The following TATDN3 variants were observed in gnomAD, a reference collection of about 807,000 sequenced individuals.
TATDN3 encodes the protein deoxyribonuclease TATDN3.
In TATDN3, 29 loss-of-function variants were observed where a neutral mutation model predicts 40.1. That is an observed-to-expected ratio of 0.72 (90% CI 0.54 to 0.99). The LOEUF (loss-of-function observed/expected upper bound fraction) is 0.99. Ranked by LOEUF, TATDN3 falls within the 50% of genes least tolerant of loss-of-function variation. The pLI is 0.00. For synonymous variants in TATDN3, 105 were observed against 117.0 expected (o/e 0.90, Z 0.66); for missense variants, 309 against 321.9 (o/e 0.96, Z 0.31).
rs1661613334 is a variant in TATDN3 at position 212,794,664 on chromosome 1, C to T, written c.67-431C>T. The T allele has an allele frequency of 9.1e-6, 4 of 440,968 alleles. 1 individual carries two copies. The highest frequency in any genetic ancestry group is 6.4e-5 in the South Asian group (4 of 62,586). The allele number at this position is 440,968 out of a possible 1,614,324, so 27.3% of individuals were successfully genotyped here. A position where few individuals can be genotyped will look rare whatever the true frequency, so the allele number is the denominator to read the frequency against. ...TGAGAGGAAGTGAAATCACTCAAGG[C>T]AAGTGCAGAGAGAGGAGCAGATGTT... On this transcript the variant is annotated intron_variant, in intron 1 of 9. Transcript: ENST00000366974.
At chr1:212,808,266 C>G (rs1278828432) in intron 8 of TATDN3, among the ~76,000 whole-genome samples, 1 of 144,860 alleles carries the variant, frequency 6.9e-6, no homozygotes, top group African/African-American at 2.5e-5. Flanking sequence ...GAGCCAAGAT[C>G]AAGCCATTGC....
intron 8 of TATDN3, among the ~76,000 whole-genome samples, chr1:212,811,024 C>T (rs1662839445): frequency 6.6e-6 from 1 of 152,066 alleles, no homozygotes; most frequent in Admixed American, 6.6e-5. Context: ...ACTCTGTCGC[C>T]CAGGCTGGGG....
intron 9 of TATDN3, among the ~76,000 whole-genome samples, chr1:212,812,971 C>CA (rs1471008470): frequency 1.3e-5 from 2 of 151,826 alleles, no homozygotes; most frequent in Non-Finnish European, 2.9e-5. Context: ...TGCACCATTG[C>CA]ACCCCAGCCT....
intron 2 of TATDN3, among the ~76,000 whole-genome samples, chr1:212,795,769 C>G (rs910063944): frequency 1.3e-5 from 2 of 151,884 alleles, no homozygotes; most frequent in Non-Finnish European, 2.9e-5. Context: ...AGGCCTTTCT[C>G]GACTTTACCT....
chr1:212,802,928 G>A (rs1215769016), intron 5 of TATDN3, among the ~76,000 whole-genome samples, 165 bp downstream of exon 5: 1 of 152,120 alleles, frequency 6.6e-6, no homozygotes, highest in Non-Finnish European at 1.5e-5. Flanking sequence ...AAGCAAGAAA[G>A]CTTGGGGATG....
At chr1:212,809,439 C>G (rs1231509616) in intron 8 of TATDN3, among the ~76,000 whole-genome samples, 1 of 152,158 alleles carries the variant, frequency 6.6e-6, no homozygotes, top group African/African-American at 2.4e-5. Context: ...AATCCCAGCA[C>G]TTTGGGAGGC....
At chr1:212,796,883 G>A (rs1661803570) in intron 3 of TATDN3, 5 of 491,602 alleles carry the variant, frequency 1.0e-5, no homozygotes, top group Admixed American at 3.6e-5. Flanking sequence ...TCTAAAGCAT[G>A]CACCACCAGG....
chr1:212,802,003 T>C (rs1337052294), intron 4 of TATDN3, among the ~76,000 whole-genome samples: 1 of 152,212 alleles, frequency 6.6e-6, no homozygotes, highest in Non-Finnish European at 1.5e-5. Context: ...TTATATATCC[T>C]GAAACTAAAA....
In TATDN3 at chr1:212,812,277, A is replaced by C; in HGVS notation, c.630A>C (p.Leu210Phe). ...QKQKLVKQLPLTSICLETDSP... is the reference protein window; with the variant it reads ...QKQKLVKQLPFTSICLETDSP... ...AGAAACTTGTGAAACAATTGCCTTT[A>C]ACTTCTATATGCTTAGAAACAGATT... is the stretch of plus-strand genomic sequence containing the variant. The change falls in exon 9 of 10, where the codon TTA becomes TTC. Residue 210 changes from leucine (L) to phenylalanine (F), a missense_variant. Coordinates refer to ENST00000366974, the MANE Select transcript of TATDN3 (RefSeq NM_001042552.3). The C allele has an allele frequency of 6.3e-7, 1 of 1,584,214 alleles. No individual in the cohort carries two copies. The highest frequency in any genetic ancestry group is 8.5e-7 in the Non-Finnish European group (1 of 1,171,594).
Position 212,815,020 on chromosome 1 carries a change from A to T in TATDN3, c.689A>T (p.Asn230Ile). The change falls in exon 10 of 10, where the codon AAT becomes ATT. Residue 230 changes from asparagine (N) to isoleucine (I), a missense_variant. By Grantham distance (149) the Asn-to-Ile change is moderately radical (BLOSUM62 -3). Transcript: ENST00000366974. ...PALGPEKQVR[N>I]EPWNISISAE... is the part of the protein sequence containing the mutation. ...TCTGCTGTCTTGTTTCAGGTACGGA[A>T]TGAGCCCTGGAACATTTCTATTTCA... The T allele has an allele frequency of 6.2e-7, 1 of 1,612,830 alleles. No homozygotes were observed. Among genetic ancestry groups the T allele is most frequent in the Non-Finnish European group, 8.5e-7 (1 of 1,179,618 alleles).
Position 212,810,846 on chromosome 1 carries a change from C to CTGGG in TATDN3, c.601-1400_601-1397dup, listed in dbSNP as rs1184502147. Among the ~76,000 whole-genome samples the CTGGG allele has an allele frequency of 3.3e-5, 5 of 152,238 alleles. 1 individual carries two copies. The East Asian group carries it at 9.6e-4, about 29-fold the overall frequency. The stretch of plus-strand genomic sequence containing the variant: ...TACCAGATGTTTGGATTTCTGCTTG[C>CTGGG]TGGGTATACCTCATTTTTGCTATGG... On this transcript the variant is annotated intron_variant, in intron 8 of 9. Coordinates refer to ENST00000366974, the MANE Select transcript of TATDN3 (RefSeq NM_001042552.3).
chr1:212,814,534 TTAAAA>T (rs1663082393), intron 9 of TATDN3, among the ~76,000 whole-genome samples: 1 of 152,162 alleles, frequency 6.6e-6, no homozygotes, highest in Admixed American at 6.6e-5. Flanking sequence ...TTCAGAGATG[TTAAAA>T]TAGGAGAGGA....
chr1:212,793,904 T>C (rs544713492), intron 1 of TATDN3, among the ~76,000 whole-genome samples: 3 of 152,236 alleles, frequency 2.0e-5, no homozygotes, highest in African/African-American at 7.2e-5. Context: ...TGGGGCATAT[T>C]GGGAAACCTA....
At chr1:212,811,621 C>T (rs1454110334) in intron 8 of TATDN3, among the ~76,000 whole-genome samples, 3 of 151,430 alleles carry the variant, frequency 2.0e-5, no homozygotes, top group Non-Finnish European at 2.9e-5. Context: ...CTCTGTTGCC[C>T]AGTCTGGAGT....
chr1:212,815,302 A>G lies in TATDN3; in HGVS notation c.*146A>G. 1 of 986,060 alleles carries G rather than the reference A, an allele frequency of 1.0e-6. No individual in the cohort carries two copies. The allele number at this position is 986,060 out of a possible 1,614,324, so 61.1% of individuals were successfully genotyped here. ...ATTGTAGAGAAATATTTCTCTTAGA[A>G]ATAAAACTGGGCTTGGATCCTGAAA... is the stretch of plus-strand genomic sequence containing the variant. On this transcript the variant is annotated 3_prime_UTR_variant, in exon 10 of 10. Coordinates refer to ENST00000366974, the MANE Select transcript of TATDN3 (RefSeq NM_001042552.3).
chr1:212,805,316 C>T (rs990438829), intron 7 of TATDN3, among the ~76,000 whole-genome samples: 9 of 152,130 alleles, frequency 5.9e-5, no homozygotes, highest in East Asian at 1.9e-4. Flanking sequence ...AGTGCAGTGG[C>T]GCAATCTTGG....
rs572293473 is a variant in TATDN3, at chr1:212,801,925, A to G, written c.259-776A>G. Among the ~76,000 whole-genome samples, 16 of 152,230 alleles carry G rather than the reference A, an allele frequency of 1.1e-4. No homozygotes were observed. In the South Asian group the frequency reaches 3.3e-3, roughly 32 times the overall value. On this transcript the variant is annotated intron_variant, in intron 4 of 9. Coordinates refer to ENST00000366974, the MANE Select transcript of TATDN3 (RefSeq NM_001042552.3). Reference sequence around the variant, plus strand: ...TAAAATCTACTCCTGTTCCTCTATCATCTGCTTTACCTTCCTTTTCTTAAT... The same window carrying G: ...TAAAATCTACTCCTGTTCCTCTATCGTCTGCTTTACCTTCCTTTTCTTAAT...
chr1:212,806,755 T>C (rs1178592726), intron 7 of TATDN3, among the ~76,000 whole-genome samples: 1 of 67,450 alleles, frequency 1.5e-5, no homozygotes, highest in African/African-American at 5.7e-5. Flanking sequence ...TCCATATATA[T>C]ATATATATAT....
chr1:212,795,119 G>A lies in TATDN3; in HGVS notation c.91G>A (p.Ala31Thr), dbSNP rs1661654827. The A allele has an allele frequency of 1.2e-6, 2 of 1,611,918 alleles. No individual in the cohort carries two copies. The highest frequency in any genetic ancestry group is 3.3e-5 in the Admixed American group (2 of 59,862). The stretch of plus-strand genomic sequence containing the variant: ...GGATTTGGATGATGTGTTGGAGAAA[G>A]CCAAGAAGGTAAGTCAATATTTGTA... ...DRDLDDVLEK[A>T]KKANVVALVA... The change falls in exon 2 of 10, where the codon GCC (alanine) becomes ACC (threonine). Residue 31 changes from alanine (A) to threonine (T), a missense_variant. Ala to Thr is a moderately conservative substitution (Grantham distance 58, BLOSUM62 0). Transcript: ENST00000366974.
Sources: allele counts gnomAD v4.1 joint callset (sites outside exome capture counted in the v4.1 genomes callset), GRCh38; gene constraint gnomAD v4.1.1; transcripts MANE v1.5; gene names NCBI Gene and HGNC (gene_info 2026-07-23, HGNC 2026-07-21).